Variants in DCUN1D4 observed in about 807,000 individuals in gnomAD.
The protein encoded by DCUN1D4 is DCN1-like protein 4.
In DCUN1D4, 22 loss-of-function variants were observed where a neutral mutation model predicts 47.9. That is an observed-to-expected ratio of 0.46 (90% CI 0.33 to 0.66). DCUN1D4 has a LOEUF of 0.66. Ranked by LOEUF, DCUN1D4 falls within the 30% of genes least tolerant of loss-of-function variation. The probability of loss-of-function intolerance (pLI) is 0.02; values close to 1 mark genes in which losing one functional copy is unlikely to be tolerated. For missense variants in DCUN1D4, 301 were observed against 340.8 expected (o/e 0.88, Z 0.92); for synonymous variants, 121 against 112.2 (o/e 1.08, Z -0.50).
At chr4:51,846,699 C>T (rs1413861625) in intron 1 of DCUN1D4, among the ~76,000 whole-genome samples, 1 of 152,144 alleles carries the variant, frequency 6.6e-6, no homozygotes, top group African/African-American at 2.4e-5. Flanking sequence ...ATACAATGCT[C>T]AAATTAATGG....
rs912312064 is a variant in DCUN1D4 at position 51,915,571 on chromosome 4, A to G, written c.*1987A>G. 5.2e-5 allele frequency: 8 copies of G among 152,490 alleles called. No individual in the cohort carries two copies. Among genetic ancestry groups the G allele is most frequent in the Non-Finnish European group, 1.0e-4 (7 of 68,022 alleles). 9.4% of individuals were successfully genotyped at this position (152,490 alleles called of 1,614,324 possible). A position where few individuals can be genotyped will look rare whatever the true frequency, so the allele number is the denominator to read the frequency against. ...ATTGATTCATTTTCAAAATTATTCC[A>G]TAAAGTTAAAAAGTTACACTTTAAA... On this transcript the variant is annotated 3_prime_UTR_variant, in exon 11 of 11. Coordinates refer to ENST00000334635, the MANE Select transcript of DCUN1D4 (RefSeq NM_001040402.3).
At chr4:51,839,928 C>T (rs1340529018), upstream of DCUN1D4, among the ~76,000 whole-genome samples, 1 of 152,140 alleles carries the variant, frequency 6.6e-6, no homozygotes, top group Non-Finnish European at 1.5e-5. Flanking sequence ...TACTAGACTT[C>T]TCCATATCAC....
intron 1 of DCUN1D4, among the ~76,000 whole-genome samples, chr4:51,852,250 G>A (rs1050511582): frequency 3.9e-5 from 6 of 152,106 alleles, no homozygotes; most frequent in African/African-American, 1.4e-4. Context: ...TTGTGGCAAA[G>A]TATTTTCATA....
intron 8 of DCUN1D4, chr4:51,905,300 G>T (rs1337616161): frequency 9.2e-6 from 4 of 436,620 alleles, no homozygotes; most frequent in Non-Finnish European, 1.9e-5. Context: ...AGCAGGGCCC[G>T]CATCTGCCCT....
intron 1 of DCUN1D4, among the ~76,000 whole-genome samples, chr4:51,855,736 A>G (rs995670519): frequency 6.6e-6 from 1 of 152,194 alleles, no homozygotes. Context: ...GCAATAGCAA[A>G]TACAACATCT....
At chr4:51,913,144 ATCC>A in intron 9 of DCUN1D4, 143 bp from the exon 10 acceptor site, 1 of 477,472 alleles carries the variant, frequency 2.1e-6, no homozygotes, top group Non-Finnish European at 3.7e-6. Context: ...CTCCCTCACC[ATCC>A]TCCTAGATTG....
chr4:51,899,224 A>C (rs1731736544), intron 7 of DCUN1D4, 46 bp from the exon 8 acceptor site: 2 of 1,510,426 alleles, frequency 1.3e-6, no homozygotes, highest in South Asian at 2.6e-5. Flanking sequence ...TAAAAAAATA[A>C]ATAAATGAAC....
chr4:51,872,652 T>C (rs561006078), intron 3 of DCUN1D4, among the ~76,000 whole-genome samples: 1 of 152,354 alleles, frequency 6.6e-6, no homozygotes, highest in African/African-American at 2.4e-5. Flanking sequence ...GTCCTCTGTT[T>C]CTGTTTCTGC....
At chr4:51,902,964 C>T (rs958737569) in intron 8 of DCUN1D4, among the ~76,000 whole-genome samples, 3 of 152,090 alleles carry the variant, frequency 2.0e-5, no homozygotes, top group Non-Finnish European at 4.4e-5. Flanking sequence ...AGAATCTTTA[C>T]AACTGTGTAC....
In DCUN1D4 at chr4:51,913,281, C is replaced by T; in HGVS notation, c.721-9C>T. 3.2e-6 allele frequency: 5 copies of T among 1,568,714 alleles called. No homozygotes were observed. The highest frequency in any genetic ancestry group is 4.4e-6 in the Non-Finnish European group (5 of 1,143,400). On this transcript the variant is annotated splice_polypyrimidine_tract_variant and intron_variant, in intron 9 of 10. Coordinates refer to ENST00000334635, the MANE Select transcript of DCUN1D4 (RefSeq NM_001040402.3). ...TGTCAGTAATTCATATTACTTTTCCCTCCATCAGCAATCAAAATACAAAGT... is the reference window on the plus strand; with the variant it reads ...TGTCAGTAATTCATATTACTTTTCCTTCCATCAGCAATCAAAATACAAAGT...
At chr4:51,878,024 A>G in intron 5 of DCUN1D4, 170 bp downstream of exon 5, 1 of 388,254 alleles carries the variant, frequency 2.6e-6, no homozygotes, top group Non-Finnish European at 4.6e-6. Flanking sequence ...CAGATAGCCT[A>G]TTTTATAGCC....
At chr4:51,873,741 A>G (rs907250104) in intron 3 of DCUN1D4, among the ~76,000 whole-genome samples, 2 of 152,236 alleles carry the variant, frequency 1.3e-5, no homozygotes, top group African/African-American at 4.8e-5. Context: ...GCAGAAACAA[A>G]CAAAATTGTT....
upstream of DCUN1D4, among the ~76,000 whole-genome samples, chr4:51,839,338 G>T (rs1000039344): frequency 6.6e-6 from 1 of 152,162 alleles, no homozygotes. Flanking sequence ...TTATTAGCTG[G>T]GTGGCAAGTT....
upstream of DCUN1D4, among the ~76,000 whole-genome samples, chr4:51,839,476 C>A (rs983735083): frequency 1.3e-5 from 2 of 152,082 alleles, no homozygotes; most frequent in Admixed American, 6.6e-5. Flanking sequence ...AGAGTAGTGC[C>A]CGTCACATAG....
rs565105794 is a variant in DCUN1D4, at chr4:51,891,720, G to T, written c.415-40G>T. On this transcript the variant is annotated intron_variant, in intron 6 of 10. Transcript: ENST00000334635. ...TATTTGTTTTTTCTTTTTAATTTGT[G>T]TAATATATTTTTTTTTAATTGTGTA... 1.2e-5 allele frequency: 17 copies of T among 1,464,654 alleles called. No individual in the cohort carries two copies. In the East Asian group the frequency reaches 3.5e-4, roughly 31 times the overall value. The allele number at this position is 1,464,654 out of a possible 1,614,324, so 90.7% of individuals were successfully genotyped here.
At chr4:51,842,113 C>T (rs1721709016), upstream of DCUN1D4, among the ~76,000 whole-genome samples, 1 of 152,190 alleles carries the variant, frequency 6.6e-6, no homozygotes, top group Non-Finnish European at 1.5e-5. Flanking sequence ...GGTGCGAATT[C>T]TTGACTTAGG....
intron 1 of DCUN1D4, among the ~76,000 whole-genome samples, chr4:51,859,145 G>A (rs894117527): frequency 1.3e-5 from 2 of 152,146 alleles, no homozygotes; most frequent in Non-Finnish European, 1.5e-5. Context: ...AATTTTGATT[G>A]CATTAATTTG....
chr4:51,870,714 C>A (rs1280776854), intron 3 of DCUN1D4, among the ~76,000 whole-genome samples: 1 of 152,170 alleles, frequency 6.6e-6, no homozygotes, highest in Admixed American at 6.5e-5. Context: ...TTGAGAAATC[C>A]TAGTTGTTGC....
intron 1 of DCUN1D4, among the ~76,000 whole-genome samples, chr4:51,855,231 C>T (rs558419897): frequency 6.6e-6 from 1 of 152,088 alleles, no homozygotes; most frequent in African/African-American, 2.4e-5. Context: ...TAGTGGTTGC[C>T]TAGAGCTGAA....
Sources: gnomAD v4.1 joint callset for allele counts (sites outside exome capture counted in the v4.1 genomes callset) on GRCh38, gnomAD v4.1.1 for gene constraint, MANE v1.5 for transcripts, NCBI Gene and HGNC (gene_info 2026-07-23, HGNC 2026-07-21) for gene names.